Variants in MAST4 observed in about 807,000 individuals in gnomAD.
The protein encoded by MAST4 is microtubule associated serine/threonine kinase family member 4.
Under a neutral mutation model 162.7 loss-of-function variants are expected in MAST4, and 89 were observed. That is an observed-to-expected ratio of 0.55 (90% CI 0.46 to 0.65). The LOEUF is 0.65. MAST4 is among the 30% of genes least tolerant of loss of function. MAST4 has a pLI of 0.00. For synonymous variants in MAST4, 1,479 were observed against 1,361.1 expected, an observed-to-expected ratio of 1.09 and a Z score of -1.91; for missense variants, 3,153 against 3,374.0, an observed-to-expected ratio of 0.93 and a Z score of 1.62.
chr5:66,921,824 T>C (rs746045668), intron 4 of MAST4, among the ~76,000 whole-genome samples: 2 of 152,202 alleles, frequency 1.3e-5, no homozygotes, highest in Non-Finnish European at 2.9e-5. Flanking sequence ...ACTTGTAAAG[T>C]TTGCATACAA....
intron 4 of MAST4, among the ~76,000 whole-genome samples, chr5:66,980,154 C>G (rs796725877): frequency 2.0e-5 from 3 of 152,268 alleles, no homozygotes; most frequent in African/African-American, 7.2e-5. Flanking sequence ...AATTTACTGT[C>G]TCTTGCGGTG....
chr5:66,628,047 T>G (rs962241636), intron 1 of MAST4, among the ~76,000 whole-genome samples: 1 of 152,202 alleles, frequency 6.6e-6, no homozygotes, highest in African/African-American at 2.4e-5. Context: ...GTTTCTTGTT[T>G]TAGAGACAGA....
chr5:66,911,575 C>T (rs1328335437), intron 4 of MAST4, among the ~76,000 whole-genome samples: 2 of 27,398 alleles, frequency 7.3e-5, no homozygotes, highest in East Asian at 6.3e-4. Context: ...CCCCCCCCCC[C>T]GCAAAAAAAA....
chr5:66,857,935 C>G (rs188522719), intron 3 of MAST4, among the ~76,000 whole-genome samples: 1 of 151,918 alleles, frequency 6.6e-6, no homozygotes. Flanking sequence ...CATAAAATAT[C>G]TTTTTTTCTA....
chr5:66,635,946 G>GTTTT lies in MAST4; in HGVS notation c.363+38954_363+38957dup, dbSNP rs530576186. Among the ~76,000 whole-genome samples, 36 of 41,304 alleles carry GTTTT rather than the reference G, an allele frequency of 8.7e-4. 6 individuals carry two copies. Among genetic ancestry groups the GTTTT allele is most frequent in the East Asian group, 1.8e-3 (2 of 1,118 alleles). 27.1% of individuals were successfully genotyped at this position (41,304 alleles called of 152,430 possible). On this transcript the variant is annotated intron_variant, in intron 1 of 28. Transcript: ENST00000403625. ...AAAATCACTGCATAAGATAGAGACT[G>GTTTT]TTTTTTTTTTTTTTTTTTTTTTTTT... is the stretch of plus-strand genomic sequence containing the variant.
intron 6 of MAST4, among the ~76,000 whole-genome samples, chr5:67,091,737 G>A (rs1028476439): frequency 6.6e-6 from 1 of 152,052 alleles, no homozygotes; most frequent in Non-Finnish European, 1.5e-5. Context: ...AAAATGGAGA[G>A]AATCTAATAA....
chr5:67,020,911 G>A lies in MAST4; in HGVS notation c.675-33493G>A, dbSNP rs1204011695. On this transcript the variant is annotated intron_variant, in intron 4 of 28. Coordinates refer to ENST00000403625, the MANE Select transcript of MAST4 (RefSeq NM_001164664.2). ...AACACAGCTACACTGATTCCCATGG[G>A]ATGGTCTGTGGCTCTTTGTGCTACA... Among the ~76,000 whole-genome samples the A allele has an allele frequency of 5.3e-5, 8 of 152,318 alleles. No individual in the cohort carries two copies. The East Asian group carries it at 1.5e-3, about 29-fold the overall frequency.
At chr5:66,850,406 G>C (rs1221685194) in intron 3 of MAST4, among the ~76,000 whole-genome samples, 1 of 152,216 alleles carries the variant, frequency 6.6e-6, no homozygotes, top group Admixed American at 6.5e-5. Flanking sequence ...CTGTCTACAC[G>C]TAGCCGATGC....
At chr5:67,078,589 T>A (rs1026966680) in intron 5 of MAST4, among the ~76,000 whole-genome samples, 2 of 147,288 alleles carry the variant, frequency 1.4e-5, no homozygotes, top group Non-Finnish European at 3.0e-5. Context: ...TGTACAATTT[T>A]TGTCAAGTCA....
intron 21 of MAST4, among the ~76,000 whole-genome samples, chr5:67,144,160 A>G (rs1581709208): frequency 6.6e-6 from 1 of 152,176 alleles, no homozygotes; most frequent in South Asian, 2.1e-4. Flanking sequence ...ATAACGGAAT[A>G]TGTACTGCAT....
At chr5:67,014,226 C>T (rs1402530135) in intron 4 of MAST4, among the ~76,000 whole-genome samples, 2 of 152,118 alleles carry the variant, frequency 1.3e-5, no homozygotes, top group Admixed American at 6.6e-5. Flanking sequence ...TAGGCTTGCT[C>T]AACCACTGCA....
chr5:66,719,685 G>A (rs1229489973), intron 1 of MAST4, among the ~76,000 whole-genome samples: 1 of 152,052 alleles, frequency 6.6e-6, no homozygotes, highest in East Asian at 1.9e-4. Context: ...CATGCATTAG[G>A]TATTTGTCCT....
intron 4 of MAST4, chr5:67,001,793 T>A (rs1751327017): frequency 6.6e-6 from 1 of 152,178 alleles, no homozygotes; most frequent in African/African-American, 2.4e-5. Context: ...CTCCTTCAAG[T>A]TTTCTCTGCT....
Position 66,907,587 on chromosome 5 carries a change from C to CATGT in MAST4, c.674+7605_674+7606insATGT, listed in dbSNP as rs1285513539. ...ATAATGAAATGGGCATAGGTTGATG[C>CATGT]GTGTGTGTGTGTGTGTGTGTGTGTG... is the stretch of plus-strand genomic sequence containing the variant. On this transcript the variant is annotated intron_variant, in intron 4 of 28. Transcript: ENST00000403625. 1.6e-3 allele frequency among the ~76,000 whole-genome samples: 229 copies of CATGT among 144,238 alleles called. 5 individuals are homozygous for CATGT. Among genetic ancestry groups the CATGT allele is most frequent in the South Asian group, 2.8e-3 (12 of 4,302 alleles). 94.6% of individuals were successfully genotyped at this position (144,238 alleles called of 152,430 possible).
Position 66,596,535 on chromosome 5 carries a change from C to T in MAST4, c.-121C>T. The T allele has an allele frequency of 8.3e-7, 1 of 1,205,218 alleles. No individual in the cohort carries two copies. Among genetic ancestry groups the T allele is most frequent in the Non-Finnish European group, 1.1e-6 (1 of 950,574 alleles). 74.7% of individuals were successfully genotyped at this position (1,205,218 alleles called of 1,614,324 possible). On this transcript the variant is annotated 5_prime_UTR_variant, in exon 1 of 29. Coordinates refer to ENST00000403625, the MANE Select transcript of MAST4 (RefSeq NM_001164664.2). Reference sequence around the variant, plus strand: ...GCCATGTAGTCGCTGGCGGGGCTCCCTGCAGCCCGGGAGCGGCAGTGCCAG... The same window carrying T: ...GCCATGTAGTCGCTGGCGGGGCTCCTTGCAGCCCGGGAGCGGCAGTGCCAG...
intron 4 of MAST4, chr5:67,004,816 T>G: frequency 1.7e-6 from 1 of 586,144 alleles, no homozygotes; most frequent in Non-Finnish European, 3.1e-6. Context: ...CGGGTACTTC[T>G]CAGACATGCT....
At chr5:67,073,524 A>G (rs1761222130) in intron 5 of MAST4, among the ~76,000 whole-genome samples, 2 of 152,202 alleles carry the variant, frequency 1.3e-5, no homozygotes, top group South Asian at 2.1e-4. Flanking sequence ...CATAAAGATG[A>G]CAAATGCTTA....
intron 5 of MAST4, among the ~76,000 whole-genome samples, chr5:67,078,918 A>ATATATT (rs34851574): frequency 3.4e-5 from 2 of 58,938 alleles, no homozygotes; most frequent in Non-Finnish European, 5.6e-5. Flanking sequence ...ATAAATATAT[A>ATATATT]TATATATATA....
At chr5:66,653,540 C>G (rs951821518) in intron 1 of MAST4, among the ~76,000 whole-genome samples, 2 of 152,228 alleles carry the variant, frequency 1.3e-5, no homozygotes, top group African/African-American at 4.8e-5. Flanking sequence ...TCTTTCTAAT[C>G]TGGCCCTTCA....
Sources: allele counts gnomAD v4.1 joint callset (sites outside exome capture counted in the v4.1 genomes callset), GRCh38; gene constraint gnomAD v4.1.1; transcripts MANE v1.5; gene names NCBI Gene and HGNC (gene_info 2026-07-23, HGNC 2026-07-21).